LARGE1: variants seen among roughly 807,000 people sequenced by gnomAD.
The protein encoded by LARGE1 is LARGE xylosyl- and glucuronyltransferase 1, also known as xylosyl- and glucuronyltransferase LARGE1.
In LARGE1, 43 loss-of-function variants were observed where a neutral mutation model predicts 87.6. The ratio of observed to expected loss-of-function variants is 0.49; its 90% CI spans 0.38 to 0.63. The LOEUF (loss-of-function observed/expected upper bound fraction) is 0.63, where lower values mean the gene tolerates loss of function less well. Ranked by LOEUF, LARGE1 falls within the 30% of genes least tolerant of loss-of-function variation. The probability of loss-of-function intolerance (pLI) is 0.00; values close to 1 mark genes in which losing one functional copy is unlikely to be tolerated. For missense variants in LARGE1, 802 were observed against 1,000.2 expected (o/e 0.80, Z 2.67); for synonymous variants, 434 against 394.6 (o/e 1.10, Z -1.18).
At chr22:33,696,893 C>G (rs1386905599) in intron 2 of LARGE1, among the ~76,000 whole-genome samples, 1 of 152,078 alleles carries the variant, frequency 6.6e-6, no homozygotes, top group Non-Finnish European at 1.5e-5. Context: ...GACATTTTAC[C>G]AGTTCGAGTG....
At chr22:33,556,527 G>A (rs371811526) in intron 6 of LARGE1, among the ~76,000 whole-genome samples, 5 of 81,758 alleles carry the variant, frequency 6.1e-5, no homozygotes, top group Admixed American at 1.4e-4. Context: ...AGGGAGGGAG[G>A]GAGGGAGGGA....
At chr22:33,528,624 G>A (rs1380335545) in intron 6 of LARGE1, among the ~76,000 whole-genome samples, 2 of 152,152 alleles carry the variant, frequency 1.3e-5, no homozygotes, top group Non-Finnish European at 2.9e-5. Context: ...CTCTGATCAG[G>A]TGAAAAAGGA....
chr22:33,802,113 C>A (rs773148353), intron 1 of LARGE1, among the ~76,000 whole-genome samples: 19 of 151,836 alleles, frequency 1.3e-4, no homozygotes, highest in Non-Finnish European at 2.2e-4. Context: ...AATGAATCCT[C>A]TGAACACAGG....
intron 6 of LARGE1, among the ~76,000 whole-genome samples, chr22:33,543,650 C>A (rs2077274429): frequency 6.6e-6 from 1 of 152,208 alleles, no homozygotes; most frequent in Non-Finnish European, 1.5e-5. Flanking sequence ...AGAGACTTTA[C>A]TGAGACTTAA....
At chr22:33,568,856 A>C (rs1382396948) in intron 5 of LARGE1, among the ~76,000 whole-genome samples, 1 of 151,160 alleles carries the variant, frequency 6.6e-6, no homozygotes, top group African/African-American at 2.4e-5. Flanking sequence ...GGATGGATGA[A>C]TGCATGGATG....
Position 33,856,802 on chromosome 22 carries a change from T to G in LARGE1, c.-83+63193A>C, listed in dbSNP as rs192602211. Reference sequence around the variant, plus strand: ...TCTGAATGCGTTTCTTAATGTAGGTTCTGAAAAATAGACAAGGCCCCTTTA... The same window carrying G: ...TCTGAATGCGTTTCTTAATGTAGGTGCTGAAAAATAGACAAGGCCCCTTTA... On this transcript the variant is annotated intron_variant, in intron 1 of 14. Transcript: ENST00000397394. The G allele has an allele frequency of 2.6e-5, 4 of 152,308 alleles. No homozygotes were observed. The East Asian group carries it at 7.7e-4, about 29-fold the overall frequency. The allele number at this position is 152,308 out of a possible 1,614,324, so 9.4% of individuals were successfully genotyped here.
At chr22:33,651,383 C>G (rs1279864770) in intron 2 of LARGE1, among the ~76,000 whole-genome samples, 4 of 113,592 alleles carry the variant, frequency 3.5e-5, no homozygotes, top group Non-Finnish European at 5.2e-5. Flanking sequence ...GAGTGAGACT[C>G]CGTCTCAAAA....
chr22:33,658,361 T>C (rs1330281585), intron 2 of LARGE1, among the ~76,000 whole-genome samples: 1 of 152,160 alleles, frequency 6.6e-6, no homozygotes, highest in Non-Finnish European at 1.5e-5. Flanking sequence ...TGTGCCACAG[T>C]GGTTTGCTGC....
rs527321992 is a variant in LARGE1, at chr22:33,635,066, C to T, written c.409-8740G>A. Among the ~76,000 whole-genome samples, 514 of 151,374 alleles carry T rather than the reference C, an allele frequency of 3.4e-3. 2 individuals are homozygous for T. Among genetic ancestry groups the T allele is most frequent in the African/African-American group, 0.012 (488 of 41,212 alleles). On this transcript the variant is annotated intron_variant, in intron 3 of 14. Transcript: ENST00000397394. ...CCGGGAGGTGGGGGCTGCAGTGAGC[C>T]GAGATCGCACCACTGCACTCTAGCC...
chr22:33,772,793 C>T (rs2085111515), intron 1 of LARGE1, among the ~76,000 whole-genome samples: 1 of 152,170 alleles, frequency 6.6e-6, no homozygotes, highest in African/African-American at 2.4e-5. Flanking sequence ...ACCATGACTA[C>T]TTTATATTCA....
chr22:33,445,337 C>T (rs1162924659), intron 6 of LARGE1, among the ~76,000 whole-genome samples: 1 of 152,154 alleles, frequency 6.6e-6, no homozygotes, highest in Non-Finnish European at 1.5e-5. Context: ...GTCACACCAA[C>T]AATTGTGGAA....
intron 8 of LARGE1, among the ~76,000 whole-genome samples, chr22:33,382,274 G>C (rs967700685): frequency 6.6e-6 from 1 of 152,170 alleles, no homozygotes; most frequent in African/African-American, 2.4e-5. Flanking sequence ...AAGCTCCAGA[G>C]TCCTGCTGGT....
chr22:33,394,735 G>T (rs925065150), intron 7 of LARGE1, among the ~76,000 whole-genome samples: 1 of 144,132 alleles, frequency 6.9e-6, no homozygotes, highest in Non-Finnish European at 1.5e-5. Flanking sequence ...GTGTGTGTGT[G>T]TGTGTGTGTA....
chr22:33,908,233 T>C (rs957957556), intron 1 of LARGE1, among the ~76,000 whole-genome samples: 1 of 152,108 alleles, frequency 6.6e-6, no homozygotes, highest in Non-Finnish European at 1.5e-5. Flanking sequence ...ACCTAGAAGA[T>C]CCCCTGAGAT....
At chr22:33,550,164 C>CACACAA (rs2077483449) in intron 6 of LARGE1, among the ~76,000 whole-genome samples, 1 of 144,808 alleles carries the variant, frequency 6.9e-6, no homozygotes, top group Admixed American at 7.0e-5. Flanking sequence ...CACACACACA[C>CACACAA]ACACACACAC....
chr22:33,324,374 T>C (rs558397053), intron 10 of LARGE1, among the ~76,000 whole-genome samples: 2 of 144,574 alleles, frequency 1.4e-5, no homozygotes, highest in East Asian at 4.5e-4. Context: ...GTAATTTCTC[T>C]GGGGAGCCAT....
chr22:33,706,116 C>G (rs2082555368), intron 2 of LARGE1, among the ~76,000 whole-genome samples: 2 of 152,232 alleles, frequency 1.3e-5, no homozygotes, highest in African/African-American at 4.8e-5. Flanking sequence ...TGAGAAAAAT[C>G]AGCATTCCAT....
At chr22:33,431,351 C>G (rs1227737096) in intron 7 of LARGE1, among the ~76,000 whole-genome samples, 1 of 151,778 alleles carries the variant, frequency 6.6e-6, no homozygotes, top group Non-Finnish European at 1.5e-5. Context: ...TGAAGGACAC[C>G]AATAACAGAG....
Position 33,763,928 on chromosome 22 carries a change from C to T in LARGE1, c.-82-2370G>A, listed in dbSNP as rs911322227. On this transcript the variant is annotated intron_variant, in intron 1 of 14. Transcript: ENST00000397394. ...ATAGTGGTGTGATCTCAGCTCACTG[C>T]AACCTCCGCCTCCCATGTTCAAGGG... is the stretch of plus-strand genomic sequence containing the variant. 3.8e-4 allele frequency among the ~76,000 whole-genome samples: 55 copies of T among 146,354 alleles called. No individual in the cohort carries two copies. In the Admixed American group the frequency reaches 3.8e-3, roughly 10 times the overall value.
Sources: gnomAD v4.1 joint callset for allele counts (sites outside exome capture counted in the v4.1 genomes callset) on GRCh38, gnomAD v4.1.1 for gene constraint, MANE v1.5 for transcripts, NCBI Gene and HGNC (gene_info 2026-07-23, HGNC 2026-07-21) for gene names.